CPPED1: variants seen among roughly 807,000 people sequenced by gnomAD.
CPPED1 encodes the protein calcineurin like phosphoesterase domain containing 1.
CPPED1 carries 28 observed loss-of-function variants against 28.0 expected under a neutral mutation model. That is an observed-to-expected ratio of 1.00 (90% CI 0.74 to 1.37). The LOEUF (loss-of-function observed/expected upper bound fraction) is 1.37. Among genes scored for constraint, CPPED1 ranks in the 40% most tolerant of loss-of-function variants. The pLI is 0.00. For synonymous variants in CPPED1, 198 were observed against 180.2 expected (o/e 1.10, Z -0.79); for missense variants, 504 against 416.5 (o/e 1.21, Z -1.83).
In CPPED1 at chr16:12,690,083, C is replaced by T. The variant is rs565520154; in HGVS notation, c.715+14541G>A. 1.2e-4 allele frequency among the ~76,000 whole-genome samples: 18 copies of T among 152,274 alleles called. No homozygotes were observed. In the South Asian group the frequency reaches 2.7e-3, roughly 23 times the overall value. On this transcript the variant is annotated intron_variant, in intron 3 of 3. Transcript: ENST00000381774. ...ATTTTATTGCCATTTTCTGTAGCTACGGTCTGCATTTTAAGTGAGCTTTTT... is the reference window on the plus strand; with the variant it reads ...ATTTTATTGCCATTTTCTGTAGCTATGGTCTGCATTTTAAGTGAGCTTTTT...
At chr16:12,675,655 GA>G (rs1296665359) in intron 3 of CPPED1, among the ~76,000 whole-genome samples, 1 of 152,172 alleles carries the variant, frequency 6.6e-6, no homozygotes, top group Non-Finnish European at 1.5e-5. Flanking sequence ...CTTAGACCTG[GA>G]AAGTGTAAAC....
At chr16:12,697,505 G>A (rs1056178008) in intron 3 of CPPED1, among the ~76,000 whole-genome samples, 6 of 152,274 alleles carry the variant, frequency 3.9e-5, no homozygotes, top group South Asian at 4.2e-4. Context: ...CAATGGGGTC[G>A]TCAGATGCAT....
intron 2 of CPPED1, among the ~76,000 whole-genome samples, chr16:12,755,088 T>C (rs146187759): frequency 4.9e-4 from 75 of 152,210 alleles, no homozygotes; most frequent in Non-Finnish European, 6.9e-4. Context: ...CAGGCAAATG[T>C]GGCTTATTCA....
intron 3 of CPPED1, among the ~76,000 whole-genome samples, chr16:12,680,221 C>T (rs1266681311): frequency 1.3e-5 from 2 of 152,188 alleles, no homozygotes; most frequent in Admixed American, 1.3e-4. Context: ...TCTCCCTCTC[C>T]CCTATGAATA....
intron 3 of CPPED1, among the ~76,000 whole-genome samples, chr16:12,703,035 C>T (rs1184292306): frequency 2.0e-5 from 3 of 149,558 alleles, no homozygotes; most frequent in Non-Finnish European, 4.5e-5. Context: ...AAAAGAAATA[C>T]CATTGGATAT....
intron 1 of CPPED1, among the ~76,000 whole-genome samples, chr16:12,794,091 T>C (rs1175955059): frequency 3.3e-5 from 5 of 152,134 alleles, no homozygotes; most frequent in African/African-American, 1.2e-4. Context: ...TTTACCACTT[T>C]GGGACTCTTT....
At chr16:12,686,059 A>G (rs1158418647) in intron 3 of CPPED1, among the ~76,000 whole-genome samples, 1 of 147,676 alleles carries the variant, frequency 6.8e-6, no homozygotes, top group Non-Finnish European at 1.5e-5. Context: ...CCCTCTGTCC[A>G]CACAGAGAAC....
chr16:12,699,092 GA>G (rs778565766), intron 3 of CPPED1, among the ~76,000 whole-genome samples: 3 of 152,286 alleles, frequency 2.0e-5, no homozygotes, highest in Non-Finnish European at 4.4e-5. Flanking sequence ...AAAGGACCGA[GA>G]AAATGTCTAG....
Position 12,712,630 on chromosome 16 carries a change from C to A in CPPED1, c.290-7581G>T, listed in dbSNP as rs535501780. ...GAAGGAGATCCGAATTTAGTGGCCA[C>A]GGATATATAGAAAAGGTGCACTGTT... On this transcript the variant is annotated intron_variant, in intron 2 of 3. Coordinates refer to ENST00000381774, the MANE Select transcript of CPPED1 (RefSeq NM_018340.3). 3.7e-4 allele frequency among the ~76,000 whole-genome samples: 57 copies of A among 152,106 alleles called. No homozygotes were observed. The South Asian group carries it at 0.012, about 31-fold the overall frequency.
intron 3 of CPPED1, among the ~76,000 whole-genome samples, chr16:12,668,055 G>C (rs1001535541): frequency 1.3e-5 from 2 of 152,106 alleles, no homozygotes; most frequent in East Asian, 3.8e-4. Flanking sequence ...GAATCAAAGA[G>C]TAATGCCTTC....
At chr16:12,727,259 G>A (rs1019305271) in intron 2 of CPPED1, among the ~76,000 whole-genome samples, 1 of 152,190 alleles carries the variant, frequency 6.6e-6, no homozygotes, top group Non-Finnish European at 1.5e-5. Context: ...CTGGCTGGTG[G>A]CGACAGGGAA....
At chr16:12,801,651 C>T (rs771177399) in intron 1 of CPPED1, among the ~76,000 whole-genome samples, 1 of 152,018 alleles carries the variant, frequency 6.6e-6, no homozygotes, top group African/African-American at 2.4e-5. Flanking sequence ...GAGATTTGTA[C>T]AGAATGTTCA....
intron 2 of CPPED1, among the ~76,000 whole-genome samples, chr16:12,728,511 G>A (rs910161153): frequency 6.6e-6 from 1 of 151,864 alleles, no homozygotes; most frequent in Non-Finnish European, 1.5e-5. Context: ...GTGACCAAGT[G>A]AAGCAAAACA....
At chr16:12,728,646 C>G (rs1277086340) in intron 2 of CPPED1, among the ~76,000 whole-genome samples, 2 of 152,208 alleles carry the variant, frequency 1.3e-5, no homozygotes, top group African/African-American at 4.8e-5. Context: ...ACCTTCCTAG[C>G]CTGTTACTCT....
intron 2 of CPPED1, among the ~76,000 whole-genome samples, chr16:12,744,795 G>A (rs1354012557): frequency 6.6e-6 from 1 of 152,138 alleles, no homozygotes; most frequent in Non-Finnish European, 1.5e-5. Context: ...AGCCTCCTGG[G>A]CAACATGGCA....
rs939991493 is a variant in CPPED1, at chr16:12,682,304, G to A, written c.716-17189C>T. On this transcript the variant is annotated intron_variant, in intron 3 of 3. Coordinates refer to ENST00000381774, the MANE Select transcript of CPPED1 (RefSeq NM_018340.3). The surrounding 1 kb of genome is among the most constrained non-coding windows in gnomAD (Gnocchi z 6.1). ...CCCACTTTGGTCTCCCAAAAGTGCT[G>A]AGATTACAGACACGAGCCACCGCGC... Among the ~76,000 whole-genome samples the A allele has an allele frequency of 2.0e-5, 3 of 152,082 alleles. No homozygotes were observed. The highest frequency in any genetic ancestry group is 7.2e-5 in the African/African-American group (3 of 41,412).
At chr16:12,738,212 TAAG>T (rs2080237089) in intron 2 of CPPED1, among the ~76,000 whole-genome samples, 1 of 152,056 alleles carries the variant, frequency 6.6e-6, no homozygotes, top group Admixed American at 6.6e-5. Context: ...CTTGTAATAA[TAAG>T]GAGGTTGTTG....
Position 12,799,481 on chromosome 16 carries a change from A to G in CPPED1, c.70+4226T>C, listed in dbSNP as rs1434657933. On this transcript the variant is annotated intron_variant, in intron 1 of 3. Transcript: ENST00000381774. The stretch of plus-strand genomic sequence containing the variant: ...GACTGGTCTTAAACTCCTGGCCTCA[A>G]GCAATCCACCTGCCTCGGCCTCCCA... Among the ~76,000 whole-genome samples the G allele has an allele frequency of 2.0e-5, 3 of 152,030 alleles. No individual in the cohort carries two copies. The East Asian group carries it at 5.8e-4, about 29-fold the overall frequency.
chr16:12,751,424 A>G (rs76713885), intron 2 of CPPED1, among the ~76,000 whole-genome samples: 135 of 152,352 alleles, frequency 8.9e-4, no homozygotes, highest in Non-Finnish European at 1.4e-3. Context: ...TTTTCAGTAC[A>G]ATTCTGGTCT....
Sources: allele counts gnomAD v4.1 joint callset (sites outside exome capture counted in the v4.1 genomes callset), GRCh38; gene constraint gnomAD v4.1.1; non-coding constraint Gnocchi (gnomAD v3.1); transcripts MANE v1.5; gene names NCBI Gene and HGNC (gene_info 2026-07-23, HGNC 2026-07-21).